The following MAP2K1 variants were observed in gnomAD, a reference collection of about 807,000 sequenced individuals.
The protein encoded by MAP2K1 is dual specificity mitogen-activated protein kinase kinase 1.
Under a neutral mutation model 46.3 loss-of-function variants are expected in MAP2K1, and 16 were observed. The ratio of observed to expected loss-of-function variants is 0.35; its 90% CI spans 0.23 to 0.52. The LOEUF (loss-of-function observed/expected upper bound fraction) is 0.52. Among genes scored for constraint, MAP2K1 ranks in the 20% least tolerant of loss-of-function variants. The pLI, the probability that MAP2K1 is intolerant of heterozygous loss-of-function variation, is 0.94. For synonymous variants in MAP2K1, 183 were observed against 185.6 expected, an observed-to-expected ratio of 0.99 and a Z score of 0.11; for missense variants, 263 against 497.1, an observed-to-expected ratio of 0.53 and a Z score of 4.48.
At chr15:66,425,405 T>A (rs2093455419) in intron 1 of MAP2K1, among the ~76,000 whole-genome samples, 1 of 152,200 alleles carries the variant, frequency 6.6e-6, no homozygotes, top group Non-Finnish European at 1.5e-5. Context: ...AACCTCTTCC[T>A]TGACGCTAGC....
chr15:66,429,913 A>G (rs34776728), intron 1 of MAP2K1, among the ~76,000 whole-genome samples: 8,546 of 151,912 alleles, frequency 0.056, 345 homozygotes, highest in Middle Eastern at 0.11. Context: ...TCAGCCCCTC[A>G]ACTTGAACAC....
intron 1 of MAP2K1, among the ~76,000 whole-genome samples, chr15:66,409,245 A>G (rs952687533): frequency 4.6e-5 from 7 of 152,136 alleles, no homozygotes; most frequent in East Asian, 1.9e-4. Context: ...AAGAGTGCCT[A>G]TAGTCCTTTG....
At chr15:66,416,101 ACT>A (rs2093423969) in intron 1 of MAP2K1, among the ~76,000 whole-genome samples, 1 of 151,884 alleles carries the variant, frequency 6.6e-6, no homozygotes, top group East Asian at 1.9e-4. Context: ...GGATGCATCC[ACT>A]CTCAGGATAT....
intron 1 of MAP2K1, among the ~76,000 whole-genome samples, chr15:66,390,249 A>G (rs890778082): frequency 2.6e-5 from 4 of 152,178 alleles, no homozygotes; most frequent in African/African-American, 9.7e-5. Context: ...GTTTCATAGC[A>G]CTAATGAGAG....
chr15:66,437,542 A>G (rs951332801), intron 3 of MAP2K1, among the ~76,000 whole-genome samples: 1 of 152,170 alleles, frequency 6.6e-6, no homozygotes, highest in Non-Finnish European at 1.5e-5. Flanking sequence ...GGCTGACGTG[A>G]GTCTGCACAC....
intron 1 of MAP2K1, among the ~76,000 whole-genome samples, chr15:66,397,003 T>C (rs1348542006): frequency 1.7e-5 from 2 of 117,180 alleles, no homozygotes; most frequent in East Asian, 4.8e-4. Flanking sequence ...TTCTTTTTTT[T>C]TTTTTTTTTT....
chr15:66,415,546 T>G (rs1163232452), intron 1 of MAP2K1, among the ~76,000 whole-genome samples: 1 of 152,048 alleles, frequency 6.6e-6, no homozygotes, highest in African/African-American at 2.4e-5. Context: ...TCTTGCCAAC[T>G]CTGCCTTCAG....
intron 5 of MAP2K1, among the ~76,000 whole-genome samples, chr15:66,453,090 C>G (rs916086391): frequency 3.3e-5 from 5 of 152,182 alleles, no homozygotes; most frequent in African/African-American, 1.2e-4. Flanking sequence ...CACAGTGTTT[C>G]TTTCTAGTCC....
chr15:66,404,463 C>T (rs574296137), intron 1 of MAP2K1, among the ~76,000 whole-genome samples: 2 of 152,332 alleles, frequency 1.3e-5, no homozygotes, highest in African/African-American at 2.4e-5. Context: ...TCCTATAAAA[C>T]GGTCTCTTTT....
intron 5 of MAP2K1, among the ~76,000 whole-genome samples, chr15:66,477,121 T>C (rs1892771449): frequency 6.6e-6 from 1 of 152,176 alleles, no homozygotes; most frequent in Non-Finnish European, 1.5e-5. Context: ...TCCAACCCCT[T>C]CCATCTCTGC....
At chr15:66,444,745 T>C in intron 5 of MAP2K1, 38 bp downstream of exon 5, 1 of 1,544,096 alleles carries the variant, frequency 6.5e-7, no homozygotes, top group Non-Finnish European at 9.0e-7. Flanking sequence ...CTTTGAATTT[T>C]AGATATAATC....
chr15:66,431,689 T>A (rs1294975515), intron 1 of MAP2K1, among the ~76,000 whole-genome samples: 1 of 152,198 alleles, frequency 6.6e-6, no homozygotes, highest in Non-Finnish European at 1.5e-5. Flanking sequence ...AATTCTTATT[T>A]TTTTGTTGTT....
In MAP2K1 at chr15:66,452,682, G is replaced by T. The variant is rs368875969; in HGVS notation, c.568+7975G>T. On this transcript the variant is annotated intron_variant, in intron 5 of 10. Coordinates refer to ENST00000307102, the MANE Select transcript of MAP2K1 (RefSeq NM_002755.4). ...TCCCATCATCTGTGAAGTGGAGTCC[G>T]CCTGCCTACTCAGAGGTTGCTGTGA... Among the ~76,000 whole-genome samples the T allele has an allele frequency of 9.2e-5, 14 of 152,242 alleles. No individual in the cohort carries two copies. In the East Asian group the frequency reaches 2.7e-3, roughly 29 times the overall value.
chr15:66,413,572 A>G (rs1011304987), intron 1 of MAP2K1, among the ~76,000 whole-genome samples: 1 of 152,244 alleles, frequency 6.6e-6, no homozygotes, highest in African/African-American at 2.4e-5. Context: ...GAATTCAGCA[A>G]CCACAAAAAT....
intron 5 of MAP2K1, among the ~76,000 whole-genome samples, chr15:66,447,569 T>C (rs753639580): frequency 6.6e-6 from 1 of 151,328 alleles, no homozygotes; most frequent in Non-Finnish European, 1.5e-5. Flanking sequence ...CGTGTGCCTG[T>C]AATCCTGGCT....
intron 1 of MAP2K1, among the ~76,000 whole-genome samples, chr15:66,406,299 G>T (rs1036247443): frequency 6.6e-6 from 1 of 152,216 alleles, no homozygotes; most frequent in Non-Finnish European, 1.5e-5. Flanking sequence ...TTCAGTAAAA[G>T]CCTCAGTGTG....
chr15:66,387,629 C>T (rs1380810707), intron 1 of MAP2K1, among the ~76,000 whole-genome samples: 1 of 152,196 alleles, frequency 6.6e-6, no homozygotes, highest in Non-Finnish European at 1.5e-5. Context: ...TCCCGCGGGT[C>T]TCCATTCCTC....
intron 5 of MAP2K1, among the ~76,000 whole-genome samples, chr15:66,466,330 A>G (rs1892464527): frequency 6.6e-6 from 1 of 152,242 alleles, no homozygotes; most frequent in Admixed American, 6.5e-5. Flanking sequence ...TGGAGTAATC[A>G]GGTAGAGAGA....
At chr15:66,423,862 C>A (rs1308699754) in intron 1 of MAP2K1, among the ~76,000 whole-genome samples, 1 of 152,040 alleles carries the variant, frequency 6.6e-6, no homozygotes, top group Non-Finnish European at 1.5e-5. Context: ...CCACCTTGAC[C>A]TCCCAAAGTG....
Sources: allele counts gnomAD v4.1 joint callset (sites outside exome capture counted in the v4.1 genomes callset), GRCh38; gene constraint gnomAD v4.1.1; transcripts MANE v1.5; gene names NCBI Gene and HGNC (gene_info 2026-07-23, HGNC 2026-07-21).